TLN2: variants seen among roughly 807,000 people sequenced by gnomAD.
The protein encoded by TLN2 is talin-2.
A neutral mutation model predicts 294.7 loss-of-function variants in TLN2; 118 were observed. That is an observed-to-expected ratio of 0.40 (90% CI 0.34 to 0.47). The LOEUF is 0.47. Ranked by LOEUF, TLN2 falls within the 20% of genes least tolerant of loss-of-function variation. The pLI, the probability that TLN2 is intolerant of heterozygous loss-of-function variation, is 0.84. For synonymous variants in TLN2, 1,431 were observed against 1,304.5 expected (o/e 1.10, Z -2.09); for missense variants, 3,083 against 3,282.2 (o/e 0.94, Z 1.48).
chr15:62,594,661 A>G (rs938381000), intron 2 of TLN2, among the ~76,000 whole-genome samples: 1 of 152,250 alleles, frequency 6.6e-6, no homozygotes, highest in Non-Finnish European at 1.5e-5. Flanking sequence ...TCAACTGAAA[A>G]TGGGTGAAAG....
chr15:62,710,796 G>A (rs577195839), intron 21 of TLN2, among the ~76,000 whole-genome samples: 1 of 122,476 alleles, frequency 8.2e-6, no homozygotes, highest in Admixed American at 1.2e-4. Context: ...CACAATCTCA[G>A]CTCACTGCAA....
chr15:62,509,916 A>G (rs2039842816), intron 1 of TLN2, among the ~76,000 whole-genome samples: 1 of 152,222 alleles, frequency 6.6e-6, no homozygotes, highest in Non-Finnish European at 1.5e-5. Context: ...CAGTCAGAAA[A>G]AGAAATATTT....
chr15:62,419,544 T>G (rs111785086), intron 1 of TLN2, among the ~76,000 whole-genome samples: 227 of 151,548 alleles, frequency 1.5e-3, no homozygotes, highest in African/African-American at 5.1e-3. Flanking sequence ...GGGAGCAAGT[T>G]GGAGAGAGCA....
chr15:62,672,069 A>C (rs1361699518), intron 9 of TLN2, among the ~76,000 whole-genome samples: 1 of 152,236 alleles, frequency 6.6e-6, no homozygotes, highest in Non-Finnish European at 1.5e-5. Context: ...CCATCAATCT[A>C]TTAAAAAGTT....
chr15:62,697,543 C>A, intron 14 of TLN2, 145 bp from the exon 15 acceptor site: 1 of 818,804 alleles, frequency 1.2e-6, no homozygotes, highest in Non-Finnish European at 1.9e-6. Flanking sequence ...GCCACTTCTT[C>A]ATTCCTGCTT....
At chr15:62,725,130 G>A (rs773800133) in intron 27 of TLN2, 26 bp downstream of exon 27, 46 of 1,593,892 alleles carry the variant, frequency 2.9e-5, no homozygotes, top group African/African-American at 6.7e-5. Flanking sequence ...CAGCTGGGGT[G>A]CGGGTGTACC....
chr15:62,554,929 G>T (rs533183057), intron 1 of TLN2, among the ~76,000 whole-genome samples: 1 of 151,592 alleles, frequency 6.6e-6, no homozygotes, highest in African/African-American at 2.4e-5. Flanking sequence ...TAGAAAATTC[G>T]TGTACACTTG....
chr15:62,587,471 A>AT (rs2045701519), intron 1 of TLN2, among the ~76,000 whole-genome samples: 2 of 152,256 alleles, frequency 1.3e-5, no homozygotes, highest in African/African-American at 4.8e-5. Context: ...CATACTGCAT[A>AT]TGGTCATTTA....
chr15:62,685,168 A>C (rs2057173534), intron 11 of TLN2, among the ~76,000 whole-genome samples: 1 of 152,138 alleles, frequency 6.6e-6, no homozygotes, highest in East Asian at 1.9e-4. Context: ...CCTATTTTTA[A>C]ATTTTTATTT....
In TLN2 at chr15:62,592,645, AGT is replaced by A. The variant is rs1039496536; in HGVS notation, c.-162+2884_-162+2885del. Among the ~76,000 whole-genome samples, 6 of 128,744 alleles carry A rather than the reference AGT, an allele frequency of 4.7e-5. No individual in the cohort carries two copies. The Admixed American group carries it at 4.7e-4, about 10-fold the overall frequency. 84.5% of individuals were successfully genotyped at this position (128,744 alleles called of 152,430 possible). A position where few individuals can be genotyped will look rare whatever the true frequency, so the allele number is the denominator to read the frequency against. The stretch of plus-strand genomic sequence containing the variant: ...AGAATTGCTTTAAGTGATGTGGACC[AGT>A]CCAAAGTCTGAATAAAAGTTAATGA... On this transcript the variant is annotated intron_variant, in intron 2 of 58. Coordinates refer to ENST00000636159, the MANE Select transcript of TLN2 (RefSeq NM_015059.3).
intron 25 of TLN2, among the ~76,000 whole-genome samples, chr15:62,720,913 C>G (rs2060106883): frequency 6.6e-6 from 1 of 152,028 alleles, no homozygotes; most frequent in Admixed American, 6.5e-5. Context: ...GGATTGTAAA[C>G]AGCTTATTTT....
At chr15:62,697,326 C>A (rs1342789037) in intron 14 of TLN2, among the ~76,000 whole-genome samples, 1 of 152,178 alleles carries the variant, frequency 6.6e-6, no homozygotes, top group Non-Finnish European at 1.5e-5. Flanking sequence ...CCAGGCTGGT[C>A]TTGAACTCCT....
intron 44 of TLN2, among the ~76,000 whole-genome samples, chr15:62,783,112 G>T (rs1362659824): frequency 2.7e-4 from 41 of 152,148 alleles, no homozygotes; most frequent in Admixed American, 2.6e-3. Flanking sequence ...TGACCATGTG[G>T]GCTACACACT....
At chr15:62,786,302 C>T (rs2133087) in intron 45 of TLN2, among the ~76,000 whole-genome samples, 13 of 152,080 alleles carry the variant, frequency 8.5e-5, no homozygotes, top group South Asian at 2.1e-4. Context: ...TCCCGCAGTC[C>T]GCTATGCAAG....
At chr15:62,580,632 A>C (rs2044880207) in intron 1 of TLN2, among the ~76,000 whole-genome samples, 1 of 151,888 alleles carries the variant, frequency 6.6e-6, no homozygotes, top group Non-Finnish European at 1.5e-5. Context: ...GCTAGTCTCT[A>C]ACTCCTGAGT....
chr15:62,434,492 C>G (rs1422155239), intron 1 of TLN2, among the ~76,000 whole-genome samples: 4 of 152,150 alleles, frequency 2.6e-5, no homozygotes, highest in Non-Finnish European at 4.4e-5. Context: ...TGCGCGCGCT[C>G]TTTCCCTTGC....
intron 1 of TLN2, among the ~76,000 whole-genome samples, chr15:62,431,193 C>T (rs966911679): frequency 6.6e-6 from 1 of 152,144 alleles, no homozygotes; most frequent in African/African-American, 2.4e-5. Context: ...GTCCCCAGTC[C>T]TTGGTCACAA....
In TLN2 at chr15:62,498,647, G is replaced by C. The variant is rs149641628; in HGVS notation, c.-237-91040G>C. 1.7e-4 allele frequency among the ~76,000 whole-genome samples: 26 copies of C among 152,254 alleles called. 1 individual carries two copies. The East Asian group carries it at 4.8e-3, about 28-fold the overall frequency. On this transcript the variant is annotated intron_variant, in intron 1 of 58. Transcript: ENST00000636159. Reference sequence around the variant, plus strand: ...TAAGTCTGATGATATCCCAGTGTCTGTCACAGGAAAGTGAGGTACATCCAC... The same window carrying C: ...TAAGTCTGATGATATCCCAGTGTCTCTCACAGGAAAGTGAGGTACATCCAC...
At chr15:62,800,298 T>C (rs1383849723) in intron 48 of TLN2, 70 bp from the exon 49 acceptor site, 1 of 1,574,128 alleles carries the variant, frequency 6.4e-7, no homozygotes, top group African/African-American at 1.3e-5. Flanking sequence ...GCCCTCAGGC[T>C]GCATGCCTTG....
Sources: gnomAD v4.1 joint callset for allele counts (sites outside exome capture counted in the v4.1 genomes callset) on GRCh38, gnomAD v4.1.1 for gene constraint, MANE v1.5 for transcripts, NCBI Gene and HGNC (gene_info 2026-07-23, HGNC 2026-07-21) for gene names.